The following TMEM67 variants were observed in gnomAD, a reference collection of about 807,000 sequenced individuals.
TMEM67 encodes the protein meckelin.
Under a neutral mutation model 136.6 loss-of-function variants are expected in TMEM67, and 124 were observed. The observed-to-expected ratio is 0.91, with a 90% CI of 0.78 to 1.05. The LOEUF is 1.05. TMEM67 is among the 50% of genes least tolerant of loss of function. TMEM67 has a pLI of 0.00. For synonymous variants in TMEM67, 364 were observed against 390.5 expected (o/e 0.93, Z 0.80); for missense variants, 1,107 against 1,178.4 (o/e 0.94, Z 0.89).
intron 11 of TMEM67, among the ~76,000 whole-genome samples, chr8:93,783,140 C>G (rs544884563): frequency 3.9e-5 from 6 of 152,226 alleles, no homozygotes; most frequent in African/African-American, 1.2e-4. Context: ...CATGTACCAC[C>G]ACACCCAGCT....
chr8:93,759,993 T>A, intron 3 of TMEM67: 2 of 1,521,972 alleles, frequency 1.3e-6, no homozygotes, highest in African/African-American at 2.8e-5. Flanking sequence ...TGAAGAAATT[T>A]GTGAGTATTA....
intron 3 of TMEM67, among the ~76,000 whole-genome samples, chr8:93,760,340 G>A (rs1292046226): frequency 6.6e-6 from 1 of 152,140 alleles, no homozygotes; most frequent in Non-Finnish European, 1.5e-5. Context: ...CAGGCAATCA[G>A]AATAGATTCA....
chr8:93,782,130 G>A (rs1355013349), intron 10 of TMEM67, among the ~76,000 whole-genome samples: 2 of 152,074 alleles, frequency 1.3e-5, no homozygotes, highest in African/African-American at 4.8e-5. Context: ...TAGCCAGGAT[G>A]GTCTTGATCT....
rs1813261150 is a variant in TMEM67, at chr8:93,769,981, TG to T, written c.652-2606del. On this transcript the variant is annotated intron_variant, in intron 6 of 27. Coordinates refer to ENST00000453321, the MANE Select transcript of TMEM67 (RefSeq NM_153704.6). ...CATCCAATCCTACTCATCCTACTCTTGGAATATACTTGCCAATCAGAAAAAA... is the reference window on the plus strand; with the variant it reads ...CATCCAATCCTACTCATCCTACTCTTGAATATACTTGCCAATCAGAAAAAA... Among the ~76,000 whole-genome samples the T allele has an allele frequency of 3.9e-5, 6 of 152,312 alleles. No individual in the cohort carries two copies. The South Asian group carries it at 1.2e-3, about 32-fold the overall frequency.
intron 15 of TMEM67, 32 bp from the exon 16 acceptor site, chr8:93,793,166 C>A: frequency 6.3e-7 from 1 of 1,576,894 alleles, no homozygotes; most frequent in Non-Finnish European, 8.7e-7. Flanking sequence ...ACAGAAATTA[C>A]ATAAATTCTC....
chr8:93,785,626 G>C, intron 12 of TMEM67: 2 of 371,688 alleles, frequency 5.4e-6, no homozygotes, highest in Non-Finnish European at 9.5e-6. Flanking sequence ...AGAAACATTA[G>C]TAGAACCGTA....
At chr8:93,780,049 C>A (rs971664969) in intron 7 of TMEM67, among the ~76,000 whole-genome samples, 1 of 152,132 alleles carries the variant, frequency 6.6e-6, no homozygotes, top group Non-Finnish European at 1.5e-5. Context: ...GCTTCCCCGG[C>A]TGCTTTGTTT....
chr8:93,776,947 T>C (rs1813572988), intron 7 of TMEM67, among the ~76,000 whole-genome samples: 1 of 152,234 alleles, frequency 6.6e-6, no homozygotes, highest in Admixed American at 6.5e-5. Flanking sequence ...CTCTTATACC[T>C]CTGGTAGAAT....
the TMEM67 span, among the ~76,000 whole-genome samples, chr8:93,829,714 CT>C: frequency 6.6e-6 from 1 of 152,078 alleles, no homozygotes; most frequent in African/African-American, 2.4e-5. Context: ...CCCTTTCTTT[CT>C]CTCTCTTTTT....
At chr8:93,788,262 T>TG (rs1264625682) in intron 14 of TMEM67, among the ~76,000 whole-genome samples, 1 of 152,168 alleles carries the variant, frequency 6.6e-6, no homozygotes. Context: ...TTGGCCACCT[T>TG]GCTTTTGTTA....
At chr8:93,814,202 C>T (rs901001155) in intron 26 of TMEM67, among the ~76,000 whole-genome samples, 5 of 143,492 alleles carry the variant, frequency 3.5e-5, no homozygotes, top group Non-Finnish European at 4.5e-5. Context: ...TGCAGTGGCA[C>T]GATCTCGGCT....
rs766043331 is a variant in TMEM67 at position 93,787,864 on chromosome 8, C to A, written c.1433C>A (p.Thr478Lys). Reference protein sequence around the residue: ...ISLSVHLVPNTINGNIYPPLI... With the variant: ...ISLSVHLVPNKINGNIYPPLI... ...AATAGTGTCCACCTTGTACCCAACA[C>A]AATAAATGGAAACATCTACCCTCCC... The change falls in exon 14 of 28, where the codon ACA (threonine) becomes AAA (lysine). Residue 478 changes from threonine (T) to lysine (K), a missense_variant. Thr to Lys is a moderately conservative substitution (Grantham distance 78). Coordinates refer to ENST00000453321, the MANE Select transcript of TMEM67 (RefSeq NM_153704.6). 2 of 1,613,730 alleles carry A rather than the reference C, an allele frequency of 1.2e-6. No individual in the cohort carries two copies. The highest frequency in any genetic ancestry group is 1.7e-6 in the Non-Finnish European group (2 of 1,179,720).
chr8:93,830,157 T>C, the TMEM67 span, among the ~76,000 whole-genome samples: 1 of 152,144 alleles, frequency 6.6e-6, no homozygotes, highest in African/African-American at 2.4e-5. Context: ...TTGTCAATCA[T>C]GCCTATCCGA....
At chr8:93,792,921 C>A (rs1008174610) in intron 15 of TMEM67, among the ~76,000 whole-genome samples, 6 of 151,946 alleles carry the variant, frequency 3.9e-5, no homozygotes, top group African/African-American at 1.5e-4. Context: ...TACAGGCACC[C>A]ACCACCATGC....
At chr8:93,821,955 T>C (rs574930491), downstream of TMEM67, among the ~76,000 whole-genome samples, 1 of 152,216 alleles carries the variant, frequency 6.6e-6, no homozygotes, top group Non-Finnish European at 1.5e-5. Flanking sequence ...AATTGGACTT[T>C]ACAATTTGTG....
intron 7 of TMEM67, among the ~76,000 whole-genome samples, chr8:93,774,074 G>A (rs1481078668): frequency 6.6e-6 from 1 of 151,700 alleles, no homozygotes; most frequent in African/African-American, 2.4e-5. Flanking sequence ...AGGCTGGAGT[G>A]CACAATCTCG....
chr8:93,758,422 C>T, intron 2 of TMEM67, 61 bp from the exon 3 acceptor site: 1 of 1,283,104 alleles, frequency 7.8e-7, no homozygotes, highest in South Asian at 1.2e-5. Context: ...TTTGAACTTA[C>T]ATGATTAGAA....
chr8:93,794,047 A>G (rs1814502322), intron 16 of TMEM67, among the ~76,000 whole-genome samples: 1 of 151,982 alleles, frequency 6.6e-6, no homozygotes, highest in South Asian at 2.1e-4. Flanking sequence ...GCACACCACC[A>G]TGCCTGGCTA....
intron 21 of TMEM67, among the ~76,000 whole-genome samples, chr8:93,800,613 A>G (rs1296281200): frequency 6.6e-6 from 1 of 152,176 alleles, no homozygotes; most frequent in African/African-American, 2.4e-5. Context: ...TAGATGAGGA[A>G]ACTGAGACCC....
Sources: gnomAD v4.1 joint callset for allele counts (sites outside exome capture counted in the v4.1 genomes callset) on GRCh38, gnomAD v4.1.1 for gene constraint, MANE v1.5 for transcripts, NCBI Gene and HGNC (gene_info 2026-07-23, HGNC 2026-07-21) for gene names.